The following PRKCE variants were observed in gnomAD, a reference collection of about 807,000 sequenced individuals.
PRKCE encodes the protein protein kinase C epsilon, also known as protein kinase C epsilon type.
Under a neutral mutation model 85.4 loss-of-function variants are expected in PRKCE, and 16 were observed. That is an observed-to-expected ratio of 0.19 (90% CI 0.13 to 0.28). The LOEUF is 0.28. Ranked by LOEUF, PRKCE falls within the 10% of genes least tolerant of loss-of-function variation. PRKCE has a pLI of 1.00. For missense variants in PRKCE, 573 were observed against 975.2 expected, an observed-to-expected ratio of 0.59 and a Z score of 5.49; for synonymous variants, 388 against 371.5, an observed-to-expected ratio of 1.04 and a Z score of -0.51.
intron 10 of PRKCE, among the ~76,000 whole-genome samples, chr2:46,020,795 C>T (rs1706584737): frequency 1.3e-5 from 2 of 152,264 alleles, no homozygotes; most frequent in East Asian, 1.9e-4. Flanking sequence ...TGACAAGGCA[C>T]AGCAAACAGT....
intron 2 of PRKCE, among the ~76,000 whole-genome samples, chr2:45,933,464 C>CCT (rs1699187286): frequency 3.1e-5 from 2 of 65,346 alleles, no homozygotes; most frequent in South Asian, 7.1e-4. Flanking sequence ...CATATGCCTG[C>CCT]TTTTTTTTTT....
At chr2:45,928,950 T>C (rs1371364418) in intron 2 of PRKCE, among the ~76,000 whole-genome samples, 1 of 152,212 alleles carries the variant, frequency 6.6e-6, no homozygotes, top group African/African-American at 2.4e-5. Flanking sequence ...GTCTGAGTTG[T>C]GCTTATTGTA....
chr2:46,120,755 T>C (rs1196705557), intron 11 of PRKCE, among the ~76,000 whole-genome samples: 1 of 152,238 alleles, frequency 6.6e-6, no homozygotes, highest in Non-Finnish European at 1.5e-5. Flanking sequence ...TCAGATTGTA[T>C]TGACCTTTCT....
In PRKCE at chr2:45,980,389, T is replaced by G; in HGVS notation, c.693+8T>G. On this transcript the variant is annotated splice_region_variant and intron_variant, in intron 5 of 14. Transcript: ENST00000306156. ...CAGGAGACCCCCGACCAGGTAAGTG[T>G]TGGTGACACGGAAATTCTGGGCTTC... 6.3e-7 allele frequency: 1 copy of G among 1,599,510 alleles called. No homozygotes were observed. Among genetic ancestry groups the G allele is most frequent in the Non-Finnish European group, 8.5e-7 (1 of 1,179,782 alleles).
rs1558533911 is a variant in PRKCE at position 45,661,522 on chromosome 2, TGTTTTTTG to T, written c.348+9075_348+9082del. Reference sequence around the variant, plus strand: ...GTTTTTTTTGTTTTGTTTTGTTTTTTGTTTTTTGTTTTTTTTTTTTTTTTTAGAAGGAG... The same window carrying T: ...GTTTTTTTTGTTTTGTTTTGTTTTTTTTTTTTTTTTTTTTTTTAGAAGGAG... On this transcript the variant is annotated intron_variant, in intron 1 of 14. Transcript: ENST00000306156. Among the ~76,000 whole-genome samples, 24 of 101,586 alleles carry T rather than the reference TGTTTTTTG, an allele frequency of 2.4e-4. 1 individual carries two copies. Among genetic ancestry groups the T allele is most frequent in the African/African-American group, 7.9e-4 (22 of 28,010 alleles). The allele number at this position is 101,586 out of a possible 152,430, so 66.6% of individuals were successfully genotyped here.
chr2:45,699,254 T>C (rs1678415902), intron 1 of PRKCE, among the ~76,000 whole-genome samples: 1 of 152,128 alleles, frequency 6.6e-6, no homozygotes, highest in South Asian at 2.1e-4. Flanking sequence ...CAGCAGCCTT[T>C]TGCACGGACC....
chr2:46,151,988 A>T (rs546411436), intron 13 of PRKCE, among the ~76,000 whole-genome samples: 1 of 152,212 alleles, frequency 6.6e-6, no homozygotes, highest in Non-Finnish European at 1.5e-5. Flanking sequence ...CTAAGATAGG[A>T]TGAGGGTGAC....
intron 2 of PRKCE, among the ~76,000 whole-genome samples, chr2:45,912,586 A>G (rs938335681): frequency 3.3e-5 from 5 of 152,116 alleles, no homozygotes; most frequent in Non-Finnish European, 5.9e-5. Flanking sequence ...GGCAGTTGAA[A>G]TAATTCAGGA....
chr2:45,900,073 A>C (rs913566482), intron 2 of PRKCE, among the ~76,000 whole-genome samples: 20 of 152,198 alleles, frequency 1.3e-4, no homozygotes, highest in African/African-American at 4.1e-4. Context: ...TTAAGTGGGA[A>C]CGGTTGCTTC....
chr2:45,948,581 A>G (rs1227840967), intron 2 of PRKCE, among the ~76,000 whole-genome samples: 1 of 152,198 alleles, frequency 6.6e-6, no homozygotes, highest in East Asian at 1.9e-4. Flanking sequence ...CGAGGCTGCA[A>G]TGAGCTATGC....
chr2:46,086,062 T>G, intron 10 of PRKCE, 146 bp from the exon 11 acceptor site: 1 of 772,108 alleles, frequency 1.3e-6, no homozygotes, highest in Non-Finnish European at 2.1e-6. Context: ...GTCTTCTTTA[T>G]GGATCAGGTG....
rs111587741 is a variant in PRKCE at position 46,068,566 on chromosome 2, A to G, written c.1438-17642A>G. Among the ~76,000 whole-genome samples the G allele has an allele frequency of 1.3e-5, 2 of 152,252 alleles. No homozygotes were observed. The highest frequency in any genetic ancestry group is 4.8e-5 in the African/African-American group (2 of 41,460). On this transcript the variant is annotated intron_variant, in intron 10 of 14. Transcript: ENST00000306156. The surrounding 1 kb of genome is among the most constrained non-coding windows in gnomAD (Gnocchi z 4.3). The stretch of plus-strand genomic sequence containing the variant: ...AACTTTAAAAAACTCTCTCTGATGT[A>G]ACAATATAAGGCAATGGTAGAAGGT...
chr2:45,660,055 G>A (rs1572874463), intron 1 of PRKCE, among the ~76,000 whole-genome samples: 1 of 151,444 alleles, frequency 6.6e-6, no homozygotes. Flanking sequence ...TTGGCACATT[G>A]TTGAATGAAT....
intron 2 of PRKCE, among the ~76,000 whole-genome samples, chr2:45,908,808 A>G (rs1317857414): frequency 6.6e-6 from 1 of 152,156 alleles, no homozygotes; most frequent in Admixed American, 6.5e-5. Context: ...CCTGTGTGAG[A>G]AGGATTATCC....
intron 1 of PRKCE, among the ~76,000 whole-genome samples, chr2:45,748,451 C>T (rs1683305944): frequency 6.6e-6 from 1 of 152,222 alleles, no homozygotes; most frequent in East Asian, 1.9e-4. Context: ...CACTCTTCTT[C>T]TCTGGATTTC....
At chr2:45,989,547 A>G (rs1250701523) in intron 6 of PRKCE, among the ~76,000 whole-genome samples, 2 of 152,160 alleles carry the variant, frequency 1.3e-5, no homozygotes, top group Non-Finnish European at 2.9e-5. Context: ...ATAAAAAATA[A>G]AAATGGAGTG....
chr2:46,144,943 C>T, intron 11 of PRKCE, 150 bp from the exon 12 acceptor site: 1 of 1,146,126 alleles, frequency 8.7e-7, no homozygotes, highest in Non-Finnish European at 1.2e-6. Flanking sequence ...GAGAGAGAGC[C>T]CCTGGACTGA....
Position 45,873,299 on chromosome 2 carries a change from C to T in PRKCE, c.412+30236C>T, listed in dbSNP as rs187938450. ...GCATTTAGAAATTCTCATGACAACT[C>T]CTAATTGCCGCAACATCCTAAGGCA... On this transcript the variant is annotated intron_variant, in intron 2 of 14. Coordinates refer to ENST00000306156, the MANE Select transcript of PRKCE (RefSeq NM_005400.3). Among the ~76,000 whole-genome samples, 229 of 152,220 alleles carry T rather than the reference C, an allele frequency of 1.5e-3. 1 individual carries two copies. The highest frequency in any genetic ancestry group is 5.5e-3 in the African/African-American group (227 of 41,548).
intron 10 of PRKCE, among the ~76,000 whole-genome samples, chr2:46,026,539 T>C (rs1293683293): frequency 6.6e-6 from 1 of 152,192 alleles, no homozygotes. Flanking sequence ...TAAGAAAATA[T>C]TTAGGTTGAA....
Sources: allele counts gnomAD v4.1 joint callset (sites outside exome capture counted in the v4.1 genomes callset), GRCh38; gene constraint gnomAD v4.1.1; non-coding constraint Gnocchi (gnomAD v3.1); transcripts MANE v1.5; gene names NCBI Gene and HGNC (gene_info 2026-07-23, HGNC 2026-07-21).